Variants in SLC24A2 observed in about 807,000 individuals in gnomAD.
SLC24A2 encodes the protein sodium/potassium/calcium exchanger 2.
In SLC24A2, 36 loss-of-function variants were observed where a neutral mutation model predicts 62.0. That is an observed-to-expected ratio of 0.58 (90% CI 0.44 to 0.77). The LOEUF (loss-of-function observed/expected upper bound fraction) is 0.77. Among genes scored for constraint, SLC24A2 ranks in the 30% least tolerant of loss-of-function variants. The pLI is 0.00. For synonymous variants in SLC24A2, 358 were observed against 294.0 expected (o/e 1.22, Z -2.23); for missense variants, 846 against 817.9 (o/e 1.03, Z -0.42).
the SLC24A2 span, among the ~76,000 whole-genome samples, chr9:19,977,696 G>C: frequency 2.6e-5 from 4 of 152,130 alleles, no homozygotes; most frequent in Non-Finnish European, 5.9e-5. Context: ...CAATTTGAAG[G>C]CAATTGTATC....
intron 2 of SLC24A2, among the ~76,000 whole-genome samples, chr9:19,759,387 A>C (rs1822243934): frequency 6.6e-6 from 1 of 152,194 alleles, no homozygotes; most frequent in African/African-American, 2.4e-5. Context: ...AAGATCAAGG[A>C]ATAGATTAAT....
the SLC24A2 span, among the ~76,000 whole-genome samples, chr9:20,273,004 A>G: frequency 6.6e-6 from 1 of 152,280 alleles, no homozygotes; most frequent in East Asian, 1.9e-4. Context: ...ACATGCCCAC[A>G]TCCTGGCTGC....
chr9:20,104,493 T>G, the SLC24A2 span, among the ~76,000 whole-genome samples: 9 of 152,254 alleles, frequency 5.9e-5, no homozygotes, highest in African/African-American at 1.9e-4. Context: ...AGACTAACAG[T>G]GGATCTCTCA....
At chr9:20,083,910 T>A in the SLC24A2 span, among the ~76,000 whole-genome samples, 1 of 152,352 alleles carries the variant, frequency 6.6e-6, no homozygotes, top group African/African-American at 2.4e-5. Flanking sequence ...TCTAGTTCGA[T>A]GTCGCTGTTA....
the SLC24A2 span, among the ~76,000 whole-genome samples, chr9:19,975,992 C>A: frequency 6.6e-6 from 1 of 152,074 alleles, no homozygotes; most frequent in African/African-American, 2.4e-5. Context: ...TGGGCTCAAG[C>A]GATCCTCCCA....
the SLC24A2 span, among the ~76,000 whole-genome samples, chr9:20,235,339 G>A: frequency 1.3e-5 from 2 of 152,372 alleles, no homozygotes; most frequent in East Asian, 3.9e-4. Flanking sequence ...GCCTACAGAG[G>A]CAGGCAGGCC....
At chr9:20,243,405 T>TA in the SLC24A2 span, among the ~76,000 whole-genome samples, 2 of 152,340 alleles carry the variant, frequency 1.3e-5, no homozygotes, top group African/African-American at 4.8e-5. Flanking sequence ...AATGAGGTGT[T>TA]ATTTATAAAA....
the SLC24A2 span, among the ~76,000 whole-genome samples, chr9:20,024,174 T>C: frequency 1.3e-5 from 2 of 152,182 alleles, no homozygotes; most frequent in African/African-American, 4.8e-5. Context: ...CAAAGCCTAG[T>C]TGGAGGACTA....
chr9:20,202,169 T>A, the SLC24A2 span, among the ~76,000 whole-genome samples: 8 of 151,414 alleles, frequency 5.3e-5, no homozygotes, highest in African/African-American at 1.9e-4. Context: ...GCAGAAGAAG[T>A]GCTACTAGCA....
chr9:19,947,777 C>T, the SLC24A2 span, among the ~76,000 whole-genome samples: 60 of 72,546 alleles, frequency 8.3e-4, no homozygotes, highest in Middle Eastern at 0.037. Context: ...AGGGTCACAG[C>T]GAGACTCTGT....
chr9:19,857,718 C>A, the SLC24A2 span, among the ~76,000 whole-genome samples: 1 of 150,470 alleles, frequency 6.6e-6, no homozygotes, highest in African/African-American at 2.4e-5. Flanking sequence ...TATCCTGAAA[C>A]CTTGCTAAAC....
At chr9:20,300,256 G>A in the SLC24A2 span, among the ~76,000 whole-genome samples, 1 of 152,116 alleles carries the variant, frequency 6.6e-6, no homozygotes. Flanking sequence ...TATCCTTTGT[G>A]TTAAAAACAA....
At chr9:20,306,476 G>A in the SLC24A2 span, among the ~76,000 whole-genome samples, 3 of 152,262 alleles carry the variant, frequency 2.0e-5, no homozygotes, top group South Asian at 6.2e-4. Flanking sequence ...AGACCCAAAG[G>A]CTTCTGCAAA....
the SLC24A2 span, among the ~76,000 whole-genome samples, chr9:19,898,231 G>T: frequency 6.6e-6 from 1 of 152,152 alleles, no homozygotes; most frequent in East Asian, 1.9e-4. Context: ...GTGGATGCTG[G>T]CACCTTGTGG....
intron 9 of SLC24A2, among the ~76,000 whole-genome samples, chr9:19,526,808 T>G (rs1833466316): frequency 1.3e-5 from 2 of 151,808 alleles, no homozygotes; most frequent in Admixed American, 1.3e-4. Context: ...CCTTTTCCTT[T>G]TTAATGGTGT....
At chr9:20,095,145 T>G in the SLC24A2 span, among the ~76,000 whole-genome samples, 2 of 152,204 alleles carry the variant, frequency 1.3e-5, no homozygotes, top group African/African-American at 2.4e-5. Context: ...CCAATTTTTG[T>G]TTTGTTTTGG....
the SLC24A2 span, among the ~76,000 whole-genome samples, chr9:20,144,503 T>C: frequency 6.6e-6 from 1 of 152,168 alleles, no homozygotes; most frequent in African/African-American, 2.4e-5. Context: ...GTAAAGCCTC[T>C]CGGCACCCAT....
intron 2 of SLC24A2, among the ~76,000 whole-genome samples, chr9:19,725,071 CA>C (rs1171257093): frequency 1.3e-5 from 2 of 152,134 alleles, no homozygotes; most frequent in African/African-American, 4.8e-5. Flanking sequence ...CAGTACTGTA[CA>C]TGCCAGTGGG....
At chr9:20,158,939 T>C in the SLC24A2 span, among the ~76,000 whole-genome samples, 1 of 151,738 alleles carries the variant, frequency 6.6e-6, no homozygotes, top group Admixed American at 6.6e-5. Context: ...CTAGTAAAAC[T>C]ATTGTTTTAA....
Sources: allele counts gnomAD v4.1 joint callset (sites outside exome capture counted in the v4.1 genomes callset), GRCh38; gene constraint gnomAD v4.1.1; transcripts MANE v1.5; gene names NCBI Gene and HGNC (gene_info 2026-07-23, HGNC 2026-07-21).